The following CDKL5 variants were observed in gnomAD, a reference collection of about 807,000 sequenced individuals.
CDKL5 encodes the protein cyclin dependent kinase like 5.
Under a neutral mutation model 61.7 loss-of-function variants are expected in CDKL5, and 8 were observed. The observed-to-expected ratio is 0.13, with a 90% CI of 0.08 to 0.23. The LOEUF (loss-of-function observed/expected upper bound fraction) is 0.23, where lower values mean the gene tolerates loss of function less well. Ranked by LOEUF, CDKL5 falls within the 10% of genes least tolerant of loss-of-function variation. The probability of loss-of-function intolerance (pLI) is 1.00; values close to 1 mark genes in which losing one functional copy is unlikely to be tolerated. For synonymous variants in CDKL5, 275 were observed against 272.3 expected (o/e 1.01, Z -0.10); for missense variants, 440 against 734.5 (o/e 0.60, Z 4.63).
chrX:18,628,253 T>C, intron 17 of CDKL5, 118 bp from the exon 18 acceptor site: 1 of 698,504 alleles, frequency 1.4e-6, no homozygotes, highest in East Asian at 3.2e-5. Flanking sequence ...GGCTCCTCCT[T>C]GCACATGCTT....
chrX:18,553,452 TTGTGTGTGTGTGCG>T (rs1284045338), intron 3 of CDKL5, among the ~76,000 whole-genome samples: 35 of 102,413 alleles, frequency 3.4e-4, no homozygotes, highest in Middle Eastern at 4.8e-3. Context: ...TTGAAGGCAG[TTGTGTGTGTGTGCG>T]TGTGTGTGTG....
intron 1 of CDKL5, among the ~76,000 whole-genome samples, chrX:18,450,701 AG>A (rs1460307643): frequency 9.0e-6 from 1 of 110,774 alleles, no homozygotes; most frequent in African/African-American, 3.3e-5. Context: ...CAGCCTCCCA[AG>A]TAGCTGCAAT....
intron 1 of CDKL5, among the ~76,000 whole-genome samples, chrX:18,432,565 A>G (rs1455657347): frequency 9.2e-6 from 1 of 108,347 alleles, no homozygotes; most frequent in African/African-American, 3.4e-5. Context: ...TTGTCATCAG[A>G]TACTGACAAA....
intron 15 of CDKL5, 104 bp downstream of exon 15, chrX:18,613,379 CT>C: frequency 7.6e-5 from 54 of 709,491 alleles, no homozygotes; most frequent in Admixed American, 1.2e-4. Flanking sequence ...CCTGCTAGGC[CT>C]TTTTTTCTCT....
chrX:18,628,588 G>T lies in CDKL5; in HGVS notation c.2714G>T (p.Gly905Val). 1 of 1,212,040 alleles carries T rather than the reference G, an allele frequency of 8.3e-7. No individual in the cohort carries two copies. The highest frequency in any genetic ancestry group is 2.2e-5 in the Admixed American group (1 of 46,130). The part of the protein sequence containing the change: ...PKGRPALQLP[G>V]QMDPGWHVSS... Reference sequence around the variant, plus strand: ...GGCAGGCCAGCCCTCCAGCTGCCAGGTCAGATGGATCCTGGTTGGCATGTG... The same window carrying T: ...GGCAGGCCAGCCCTCCAGCTGCCAGTTCAGATGGATCCTGGTTGGCATGTG... The change falls in exon 18 of 18, where the codon GGT (glycine) becomes GTT (valine). Residue 905 changes from glycine (G) to valine (V), a missense_variant. Coordinates refer to ENST00000623535, the MANE Select transcript of CDKL5 (RefSeq NM_001323289.2).
intron 4 of CDKL5, among the ~76,000 whole-genome samples, chrX:18,572,612 G>A (rs980773069): frequency 8.9e-6 from 1 of 111,754 alleles, no homozygotes; most frequent in African/African-American, 3.3e-5. Flanking sequence ...CCTGATAAGC[G>A]GTGCTTGAGG....
chrX:18,468,823 A>G (rs1223110549), intron 1 of CDKL5, among the ~76,000 whole-genome samples: 2 of 111,335 alleles, frequency 1.8e-5, no homozygotes, highest in African/African-American at 6.5e-5. Flanking sequence ...CAGATCTCGT[A>G]TTGAAGTATG....
intron 1 of CDKL5, among the ~76,000 whole-genome samples, chrX:18,503,559 A>G (rs1602228727): frequency 8.9e-6 from 1 of 112,480 alleles, no homozygotes; most frequent in East Asian, 2.8e-4. Context: ...ATATTTGTGT[A>G]TTAAGCTTAT....
chrX:18,463,803 G>A (rs772985665), intron 1 of CDKL5, among the ~76,000 whole-genome samples: 1 of 111,528 alleles, frequency 9.0e-6, no homozygotes, highest in Non-Finnish European at 1.9e-5. Flanking sequence ...AGTTTATTAC[G>A]GTGTCTTACA....
downstream of CDKL5, chrX:18,644,425 C>A (rs200074383): frequency 1.7e-6 from 2 of 1,209,237 alleles, no homozygotes; most frequent in Non-Finnish European, 2.2e-6. Flanking sequence ...ATAAGCCCAA[C>A]TTACCCGGTT....
rs1402150767 is a variant in CDKL5 at position 18,629,860 on chromosome X, T to A, written c.*1103T>A. 1.3e-6 allele frequency: 1 copy of A among 752,789 alleles called. No homozygotes were observed. The highest frequency in any genetic ancestry group is 1.5e-4 in the East Asian group (1 of 6,604). The allele number at this position is 752,789 out of a possible 1,213,427, so 62.0% of individuals were successfully genotyped here. On this transcript the variant is annotated 3_prime_UTR_variant, in exon 18 of 18. Transcript: ENST00000623535. ...GTGGGTCTTTGTAGAGAGAATGTGC[T>A]CTTCCACTTAGCATTAGTGTAGAGC...
At chrX:18,439,045 G>GCCCCAC (rs1931674849) in intron 1 of CDKL5, among the ~76,000 whole-genome samples, 1 of 37,487 alleles carries the variant, frequency 2.7e-5, no homozygotes, top group Non-Finnish European at 4.4e-5. Context: ...GCCCCTTTTT[G>GCCCCAC]CCCCCCCCCC....
intron 3 of CDKL5, among the ~76,000 whole-genome samples, chrX:18,550,349 C>G (rs1347332672): frequency 9.0e-6 from 1 of 111,498 alleles, no homozygotes; most frequent in Non-Finnish European, 1.9e-5. Flanking sequence ...CACATCCATA[C>G]CCACAGCTGC....
chrX:18,597,957 G>A (rs751925878), intron 10 of CDKL5, among the ~76,000 whole-genome samples: 39 of 111,071 alleles, frequency 3.5e-4, no homozygotes, highest in African/African-American at 1.2e-3. Flanking sequence ...GCAATTATGT[G>A]TATACTACTA....
intron 3 of CDKL5, among the ~76,000 whole-genome samples, chrX:18,552,667 A>C (rs901741145): frequency 9.0e-6 from 1 of 111,685 alleles, no homozygotes; most frequent in Non-Finnish European, 1.9e-5. Context: ...GGGCCTTCAG[A>C]TCTCATCGAG....
chrX:18,560,814 T>C (rs1924778249), intron 3 of CDKL5, among the ~76,000 whole-genome samples: 1 of 110,642 alleles, frequency 9.0e-6, no homozygotes, highest in African/African-American at 3.3e-5. Context: ...TCTAAATATA[T>C]TCCAAATAAT....
chrX:18,643,004 C>T (rs932541289), downstream of CDKL5, among the ~76,000 whole-genome samples: 2 of 111,613 alleles, frequency 1.8e-5, no homozygotes, highest in East Asian at 2.8e-4. Context: ...GAGATCACAC[C>T]GTTGCACTCC....
At chrX:18,584,482 A>G (rs914142003) in intron 8 of CDKL5, 129 bp downstream of exon 8, 2 of 511,676 alleles carry the variant, frequency 3.9e-6, no homozygotes, top group Non-Finnish European at 7.0e-6. Flanking sequence ...TTGCAGTATA[A>G]CAAACTACCT....
chrX:18,502,971 G>A (rs2147088893), intron 1 of CDKL5, among the ~76,000 whole-genome samples: 1 of 111,788 alleles, frequency 8.9e-6, no homozygotes, highest in African/African-American at 3.2e-5. Context: ...AGAAAACCTT[G>A]TTGGGATTGT....
Sources: allele counts gnomAD v4.1 joint callset (sites outside exome capture counted in the v4.1 genomes callset), GRCh38; gene constraint gnomAD v4.1.1; transcripts MANE v1.5; gene names NCBI Gene and HGNC (gene_info 2026-07-23, HGNC 2026-07-21).